Variants in HFM1 observed in about 807,000 individuals in gnomAD.
The protein encoded by HFM1 is helicase for meiosis 1, also known as probable ATP-dependent DNA helicase HFM1.
In HFM1, 169 loss-of-function variants were observed where a neutral mutation model predicts 192.1. That is an observed-to-expected ratio of 0.88 (90% CI 0.78 to 1.00). The LOEUF is 1.00. Among genes scored for constraint, HFM1 ranks in the 50% least tolerant of loss-of-function variants. The probability of loss-of-function intolerance (pLI) is 0.00; values close to 1 mark genes in which losing one functional copy is unlikely to be tolerated. For synonymous variants in HFM1, 525 were observed against 537.8 expected, an observed-to-expected ratio of 0.98 and a Z score of 0.33; for missense variants, 1,661 against 1,668.0, an observed-to-expected ratio of 1.00 and a Z score of 0.07.
chr1:91,262,656 C>T, intron 36 of HFM1, 64 bp from the exon 37 acceptor site: 1 of 963,700 alleles, frequency 1.0e-6, no homozygotes, highest in Non-Finnish European at 1.6e-6. Flanking sequence ...TAATTTGGAT[C>T]ATAATGATTT....
At chr1:91,335,967 T>A (rs1019211210) in intron 20 of HFM1, among the ~76,000 whole-genome samples, 2 of 151,016 alleles carry the variant, frequency 1.3e-5, no homozygotes, top group African/African-American at 4.9e-5. Flanking sequence ...TCTCCCTCCC[T>A]CTCTCCCTCT....
At chr1:91,357,255 G>C (rs1054375140) in intron 13 of HFM1, among the ~76,000 whole-genome samples, 11 of 152,092 alleles carry the variant, frequency 7.2e-5, no homozygotes, top group African/African-American at 2.7e-4. Flanking sequence ...TATACACCAT[G>C]GCCAAGTGGA....
rs147498415 is a variant in HFM1 at position 91,342,400 on chromosome 1, C to T, written c.2335+1030G>A. 2.9e-3 allele frequency among the ~76,000 whole-genome samples: 438 copies of T among 152,246 alleles called. 4 individuals are homozygous for T. The highest frequency in any genetic ancestry group is 1.0e-2 in the African/African-American group (414 of 41,540). On this transcript the variant is annotated intron_variant, in intron 20 of 38. Transcript: ENST00000370425. ...CCTTTCCCTGAAGCAAGTAATAACA[C>T]CATCATGTGAGAGGTGCCCTCCCTA...
In HFM1 at chr1:91,316,149, T is replaced by C; in HGVS notation, c.2934A>G (p.Ile978Met). 1 of 1,593,284 alleles carries C rather than the reference T, an allele frequency of 6.3e-7. No homozygotes were observed. Among genetic ancestry groups the C allele is most frequent in the Non-Finnish European group, 8.6e-7 (1 of 1,165,158 alleles). Residue 978 changes from isoleucine to methionine, a missense_variant, in exon 27 of 39, where the codon ATA becomes ATG. Ile to Met is a conservative substitution (Grantham distance 10). Transcript: ENST00000370425. Reference protein sequence around the residue: ...LNRHPPFGTQIKETVMYLPKY... With the variant: ...LNRHPPFGTQMKETVMYLPKY... ...TTGGTAGATACATCACAGTTTCTTTTATCTGGGTTCCAAAGGGGGGATGTC... is the reference window on the plus strand; with the variant it reads ...TTGGTAGATACATCACAGTTTCTTTCATCTGGGTTCCAAAGGGGGGATGTC...
chr1:91,284,041 T>C (rs1229872686), intron 30 of HFM1, among the ~76,000 whole-genome samples: 3 of 151,966 alleles, frequency 2.0e-5, no homozygotes, highest in Non-Finnish European at 4.4e-5. Flanking sequence ...TATTTTACTA[T>C]CATTTTGTTA....
intron 13 of HFM1, among the ~76,000 whole-genome samples, chr1:91,368,733 A>G (rs1419905463): frequency 1.3e-5 from 2 of 152,224 alleles, no homozygotes. Flanking sequence ...GACAGGATCA[A>G]ATTCACACAT....
At chr1:91,329,209 A>T in intron 20 of HFM1, 1 of 1,609,740 alleles carries the variant, frequency 6.2e-7, no homozygotes, top group South Asian at 1.1e-5. Flanking sequence ...CTCCACAAGG[A>T]GGCTTACCAG....
chr1:91,360,423 CCAA>C, intron 13 of HFM1, among the ~76,000 whole-genome samples: 1 of 152,166 alleles, frequency 6.6e-6, no homozygotes, highest in East Asian at 1.9e-4. Context: ...AGACTTTAAA[CCAA>C]CAAAGATCAA....
Position 91,378,034 on chromosome 1 carries a change from A to G in HFM1, c.1386T>C (p.Asn462=), listed in dbSNP as rs202018448. 155 of 1,611,426 alleles carry G rather than the reference A, an allele frequency of 9.6e-5. No homozygotes were observed. In the East Asian group the frequency reaches 3.4e-3, roughly 36 times the overall value. Residue 462 remains asparagine, a synonymous_variant, in exon 11 of 39, where the codon AAT becomes AAC. Transcript: ENST00000370425. Reference sequence around the variant, plus strand: ...TAAAATTGTAACTCACATCCTCAGCATTTGGAATTGTTGCAGATACAGCTA... The same window carrying G: ...TAAAATTGTAACTCACATCCTCAGCGTTTGGAATTGTTGCAGATACAGCTA... ...RFVAVSATIP[N]AEDIAEWLSD... is the part of the protein sequence containing the mutation.
chr1:91,312,064 G>T (rs1260184315), intron 30 of HFM1, among the ~76,000 whole-genome samples: 1 of 152,188 alleles, frequency 6.6e-6, no homozygotes, highest in Non-Finnish European at 1.5e-5. Flanking sequence ...CCTCCACCTG[G>T]ATTTCAGAAG....
chr1:91,398,955 A>C (rs1221584100), intron 2 of HFM1, among the ~76,000 whole-genome samples: 1 of 152,142 alleles, frequency 6.6e-6, no homozygotes, highest in Non-Finnish European at 1.5e-5. Context: ...AACCTCCCAA[A>C]GTGCTGGGAT....
In HFM1 at chr1:91,378,141, C is replaced by T. The variant is rs763690308; in HGVS notation, c.1279G>A (p.Val427Ile). The change falls in exon 11 of 39, where the codon GTT (valine) becomes ATT (isoleucine). Residue 427 changes from valine to isoleucine, a missense_variant. Val to Ile is a conservative substitution (Grantham distance 29). Coordinates refer to ENST00000370425, the MANE Select transcript of HFM1 (RefSeq NM_001017975.6). ...ACAGTTTTCATTCTGCTAACTACAA[C>T]TTCAAGAGTTGGACCACGATTTTCA... ...KDENRGPTLEVVVSRMKTVQS... is the reference protein window; with the variant it reads ...KDENRGPTLEIVVSRMKTVQS... The T allele has an allele frequency of 3.1e-6, 5 of 1,609,300 alleles. No homozygotes were observed. The highest frequency in any genetic ancestry group is 1.8e-4 in the Middle Eastern group (1 of 5,566).
At chr1:91,335,965 CCTCTCTCCCTCT>C in intron 20 of HFM1, among the ~76,000 whole-genome samples, 1 of 151,666 alleles carries the variant, frequency 6.6e-6, no homozygotes, top group South Asian at 2.1e-4. Context: ...TCTCTCCCTC[CCTCTCTCCCTCT>C]CTCCTTCCCT....
chr1:91,304,118 G>A (rs1367253397), intron 30 of HFM1, among the ~76,000 whole-genome samples: 2 of 152,134 alleles, frequency 1.3e-5, no homozygotes, highest in Non-Finnish European at 2.9e-5. Context: ...GCCTCCCAAA[G>A]TGTTGGGATT....
rs1379060291 is a variant in HFM1 at position 91,394,089 on chromosome 1, TTAC to T, written c.494+1_494+3del. On this transcript the variant is annotated splice_donor_variant and splice_donor_region_variant and intron_variant, in intron 4 of 38. Coordinates refer to ENST00000370425, the MANE Select transcript of HFM1 (RefSeq NM_001017975.6). LOFTEE classifies it high-confidence loss of function. ...ATATTATTTAGTTTAATTATAATAA[TTAC>T]CTTTTCCGGAATACTGATGTGCTCT... 7.0e-7 allele frequency: 1 copy of T among 1,435,948 alleles called. No individual in the cohort carries two copies. Among genetic ancestry groups the T allele is most frequent in the Admixed American group, 2.1e-5 (1 of 48,464 alleles). The allele number at this position is 1,435,948 out of a possible 1,614,324, so 89.0% of individuals were successfully genotyped here.
chr1:91,292,301 C>T (rs1375518699), intron 30 of HFM1, among the ~76,000 whole-genome samples: 2 of 64,064 alleles, frequency 3.1e-5, no homozygotes, highest in Non-Finnish European at 6.0e-5. Flanking sequence ...ATCTAGAAAA[C>T]CCCATTGTCT....
chr1:91,384,549 A>C (rs1661940928), intron 6 of HFM1, among the ~76,000 whole-genome samples: 1 of 152,062 alleles, frequency 6.6e-6, no homozygotes, highest in Non-Finnish European at 1.5e-5. Flanking sequence ...TCCCCTACCC[A>C]GTTCAACCCA....
At chr1:91,351,242 T>G (rs1030610255) in intron 17 of HFM1, among the ~76,000 whole-genome samples, 1 of 151,920 alleles carries the variant, frequency 6.6e-6, no homozygotes, top group Non-Finnish European at 1.5e-5. Context: ...TTAGTAATTA[T>G]AAATTTACAT....
At chr1:91,335,305 C>A (rs116831756) in intron 20 of HFM1, among the ~76,000 whole-genome samples, 356 of 152,240 alleles carry the variant, frequency 2.3e-3, no homozygotes, top group African/African-American at 8.4e-3. Flanking sequence ...ACCACGAGAA[C>A]TAGTTAACCA....
Sources: allele counts gnomAD v4.1 joint callset (sites outside exome capture counted in the v4.1 genomes callset), GRCh38; gene constraint gnomAD v4.1.1; transcripts MANE v1.5; gene names NCBI Gene and HGNC (gene_info 2026-07-23, HGNC 2026-07-21).